CDK5RAP2: variants seen among roughly 807,000 people sequenced by gnomAD.
CDK5RAP2 encodes CDK5 regulatory subunit-associated protein 2.
A neutral mutation model predicts 232.9 loss-of-function variants in CDK5RAP2; 147 were observed. The observed-to-expected ratio is 0.63, with a 90% confidence interval of 0.55 to 0.72. CDK5RAP2 has a LOEUF of 0.72. CDK5RAP2 is among the 30% of genes least tolerant of loss of function. CDK5RAP2 has a pLI of 0.00. For missense variants in CDK5RAP2, 2,195 were observed against 2,231.5 expected, an observed-to-expected ratio of 0.98 and a Z score of 0.33; for synonymous variants, 833 against 833.7, an observed-to-expected ratio of 1.00 and a Z score of 0.01.
rs544616509 is a variant in CDK5RAP2 at position 120,481,502 on chromosome 9, CT to C, written c.1627-4053del. 5.6e-3 allele frequency among the ~76,000 whole-genome samples: 750 copies of C among 133,716 alleles called. 5 individuals carry two copies. The highest frequency in any genetic ancestry group is 0.014 in the African/African-American group (493 of 36,392). The allele number at this position is 133,716 out of a possible 152,430, so 87.7% of individuals were successfully genotyped here. ...CTTCTCTGTATGTCAATATTGTTTT[CT>C]TTTTTTTTTTTTTCTTTTTTTTTTT... On this transcript the variant is annotated intron_variant, in intron 14 of 37. Coordinates refer to ENST00000349780, the MANE Select transcript of CDK5RAP2 (RefSeq NM_018249.6).
chr9:120,397,613 TA>T (rs1307178726), intron 35 of CDK5RAP2, among the ~76,000 whole-genome samples: 4 of 143,290 alleles, frequency 2.8e-5, no homozygotes, highest in East Asian at 2.0e-4. Flanking sequence ...TATGACACCT[TA>T]AAAAAAAAGG....
At position 120,467,945 on chromosome 9, in the gene CDK5RAP2, A is replaced by G. The variant is rs769498503; in HGVS notation, c.2021T>C (p.Leu674Pro). 6.2e-7 allele frequency: 1 copy of G among 1,614,170 alleles called. No homozygotes were observed. Among genetic ancestry groups the G allele is most frequent in the East Asian group, 2.2e-5 (1 of 44,886 alleles). The change falls in exon 18 of 38, where the codon CTG becomes CCG. Residue 674 changes from leucine (L) to proline (P), a missense_variant. Transcript: ENST00000349780. ...GGAGAGATCAAAAATGGTTTTCTTCAGGTGCTGGTTGTCTGTATACAGCTC... is the reference window on the plus strand; with the variant it reads ...GGAGAGATCAAAAATGGTTTTCTTCGGGTGCTGGTTGTCTGTATACAGCTC... ...VKELYTDNQH[L>P]KKTIFDLSCM...
At chr9:120,463,729 T>C (rs1347798156) in intron 18 of CDK5RAP2, among the ~76,000 whole-genome samples, 8 of 152,234 alleles carry the variant, frequency 5.3e-5, no homozygotes, top group Non-Finnish European at 1.2e-4. Flanking sequence ...TGCCAATGCT[T>C]GACACAGTTA....
chr9:120,568,481 A>G, intron 2 of CDK5RAP2, 93 bp from the exon 3 acceptor site: 1 of 898,634 alleles, frequency 1.1e-6, no homozygotes, highest in Non-Finnish European at 1.9e-6. Flanking sequence ...AAACAACACG[A>G]ACTGCTTCCA....
intron 20 of CDK5RAP2, among the ~76,000 whole-genome samples, chr9:120,454,341 C>A (rs1564241333): frequency 6.6e-6 from 1 of 152,188 alleles, no homozygotes; most frequent in Non-Finnish European, 1.5e-5. Context: ...CCTAATCCAT[C>A]TTGGTACACA....
chr9:120,551,624 C>A (rs1231349447), intron 3 of CDK5RAP2, among the ~76,000 whole-genome samples: 2 of 152,096 alleles, frequency 1.3e-5, no homozygotes, highest in Non-Finnish European at 2.9e-5. Context: ...TGCAAAACAA[C>A]AGAACTGAAC....
intron 36 of CDK5RAP2, among the ~76,000 whole-genome samples, chr9:120,393,078 T>C (rs946942431): frequency 3.3e-5 from 5 of 152,186 alleles, no homozygotes; most frequent in Non-Finnish European, 7.4e-5. Context: ...CTCTCACCCC[T>C]GGGAGCACAC....
chr9:120,532,095 T>C (rs905497185), intron 7 of CDK5RAP2, among the ~76,000 whole-genome samples: 3 of 151,980 alleles, frequency 2.0e-5, no homozygotes, highest in Non-Finnish European at 4.4e-5. Flanking sequence ...GTGGCCAAGC[T>C]GGAGCACCAA....
At chr9:120,541,881 G>A (rs2041647913) in intron 5 of CDK5RAP2, among the ~76,000 whole-genome samples, 1 of 152,190 alleles carries the variant, frequency 6.6e-6, no homozygotes, top group African/African-American at 2.4e-5. Context: ...CACACAAGGT[G>A]GGCAGCAAGA....
At chr9:120,496,831 T>G in intron 12 of CDK5RAP2, among the ~76,000 whole-genome samples, 1 of 136,960 alleles carries the variant, frequency 7.3e-6, no homozygotes, top group South Asian at 2.3e-4. Flanking sequence ...GTCCGGGAGG[T>G]GAGGGGCGCC....
In CDK5RAP2 at chr9:120,470,154, C is replaced by T. The variant is rs766479544; in HGVS notation, c.1925G>A (p.Arg642Gln). ...YLSICLEENN[R>Q]FQVEHFSQEE... ...TTGAGAAAAATGTTCCACTTGAAAC[C>T]GATTGTTTTCTTCAAGGCAAATACT... is the stretch of plus-strand genomic sequence containing the variant. Residue 642 changes from arginine to glutamine, a missense_variant, in exon 17 of 38, where the codon CGG becomes CAG. Transcript: ENST00000349780. 4.4e-6 allele frequency: 7 copies of T among 1,594,226 alleles called. No homozygotes were observed. The African/African-American group carries it at 6.7e-5, about 15-fold the overall frequency.
At position 120,409,109 on chromosome 9, in the gene CDK5RAP2, G is replaced by A. The variant is rs2033681690; in HGVS notation, c.4604+18C>T. 1 of 1,609,442 alleles carries A rather than the reference G, an allele frequency of 6.2e-7. No individual in the cohort carries two copies. The highest frequency in any genetic ancestry group is 8.5e-7 in the Non-Finnish European group (1 of 1,179,578). On this transcript the variant is annotated intron_variant, in intron 30 of 37. Coordinates refer to ENST00000349780, the MANE Select transcript of CDK5RAP2 (RefSeq NM_018249.6). ...GCGTGGTACGGCCAGCAGGCCACCA[G>A]GGAAGCACAGCCACTACCTGCTCAG... is the stretch of plus-strand genomic sequence containing the variant.
At chr9:120,449,391 T>C (rs2036366975) in intron 21 of CDK5RAP2, among the ~76,000 whole-genome samples, 1 of 152,228 alleles carries the variant, frequency 6.6e-6, no homozygotes, top group Non-Finnish European at 1.5e-5. Context: ...TCATTTTAAT[T>C]AAATGCCTGT....
In CDK5RAP2 at chr9:120,402,902, C is replaced by G; in HGVS notation, c.5211G>C (p.Leu1737=). 1 of 1,614,114 alleles carries G rather than the reference C, an allele frequency of 6.2e-7. No homozygotes were observed. The highest frequency in any genetic ancestry group is 8.5e-7 in the Non-Finnish European group (1 of 1,180,026). The part of the protein sequence containing the change: ...VLGLIEDYEA[L]LKQISQGQRL... ...TCTGTCCCTGGCTGATCTGTTTGAG[C>G]AGGGCCTCATAGTCCTCAATCAGGC... is the stretch of plus-strand genomic sequence containing the variant. The change falls in exon 34 of 38, where the codon CTG becomes CTC. Residue 1737 remains leucine, a synonymous_variant. Coordinates refer to ENST00000349780, the MANE Select transcript of CDK5RAP2 (RefSeq NM_018249.6).
chr9:120,512,047 A>G (rs1026496565), intron 12 of CDK5RAP2, among the ~76,000 whole-genome samples: 1 of 151,940 alleles, frequency 6.6e-6, no homozygotes, highest in Non-Finnish European at 1.5e-5. Context: ...CACAATGTGC[A>G]TTTTTATATA....
At chr9:120,540,586 A>G (rs1414916412) in intron 5 of CDK5RAP2, among the ~76,000 whole-genome samples, 1 of 152,242 alleles carries the variant, frequency 6.6e-6, no homozygotes, top group Non-Finnish European at 1.5e-5. Flanking sequence ...ATTTTAATGG[A>G]ATTCAATGTG....
At chr9:120,408,290 T>C (rs762911756) in intron 31 of CDK5RAP2, 57 bp downstream of exon 31, 7 of 1,608,806 alleles carry the variant, frequency 4.4e-6, no homozygotes, top group Non-Finnish European at 5.9e-6. Context: ...CAGCCAGCTG[T>C]CGGGTGGTCT....
chr9:120,519,624 T>C (rs1014569328), intron 11 of CDK5RAP2, among the ~76,000 whole-genome samples: 1 of 152,184 alleles, frequency 6.6e-6, no homozygotes, highest in Non-Finnish European at 1.5e-5. Context: ...CAACTGCCCA[T>C]CCAACCTACG....
chr9:120,464,047 C>A (rs1255583499), intron 18 of CDK5RAP2, among the ~76,000 whole-genome samples: 3 of 152,128 alleles, frequency 2.0e-5, no homozygotes, highest in Admixed American at 6.6e-5. Flanking sequence ...GGCTTCTGTC[C>A]CCCTCACTCT....
Sources: allele counts gnomAD v4.1 joint callset (sites outside exome capture counted in the v4.1 genomes callset), GRCh38; gene constraint gnomAD v4.1.1; transcripts MANE v1.5; gene names NCBI Gene and HGNC (gene_info 2026-07-23, HGNC 2026-07-21).